Variants in TGFBRAP1 observed in about 807,000 individuals in gnomAD.
TGFBRAP1 encodes the protein transforming growth factor-beta receptor-associated protein 1.
Under a neutral mutation model 83.2 loss-of-function variants are expected in TGFBRAP1, and 20 were observed. That is an observed-to-expected ratio of 0.24 (90% CI 0.17 to 0.35). The LOEUF (loss-of-function observed/expected upper bound fraction) is 0.35. TGFBRAP1 is among the 10% of genes least tolerant of loss of function. The pLI, the probability that TGFBRAP1 is intolerant of heterozygous loss-of-function variation, is 1.00. For synonymous variants in TGFBRAP1, 415 were observed against 459.8 expected (o/e 0.90, Z 1.25); for missense variants, 950 against 1,099.4 (o/e 0.86, Z 1.92).
At chr2:105,316,115 CA>C (rs1244749406) in intron 1 of TGFBRAP1, among the ~76,000 whole-genome samples, 1 of 152,028 alleles carries the variant, frequency 6.6e-6, no homozygotes, top group African/African-American at 2.4e-5. Flanking sequence ...ATCTGAAGTT[CA>C]AAAGTAGGCC....
chr2:105,295,071 C>T (rs1678038308), intron 4 of TGFBRAP1, among the ~76,000 whole-genome samples: 1 of 152,188 alleles, frequency 6.6e-6, no homozygotes, highest in Admixed American at 6.5e-5. Flanking sequence ...TTCTTTTTGC[C>T]TTTGCTGCCC....
rs1486035164 is a variant in TGFBRAP1, at chr2:105,265,317, A to G, written c.*2066T>C. On this transcript the variant is annotated 3_prime_UTR_variant, in exon 12 of 12. Transcript: ENST00000393359. ...AACCCCGTCTCTACTAAAAATACAA[A>G]AATTAGCTGGGCGTGGTGGCATGCA... is the stretch of plus-strand genomic sequence containing the variant. 6.6e-6 allele frequency: 1 copy of G among 152,110 alleles called. No homozygotes were observed. The highest frequency in any genetic ancestry group is 2.4e-5 in the African/African-American group (1 of 41,406). 9.4% of individuals were successfully genotyped at this position (152,110 alleles called of 1,614,324 possible).
downstream of TGFBRAP1, among the ~76,000 whole-genome samples, chr2:105,262,186 G>A (rs76412922): frequency 1.4e-4 from 22 of 152,292 alleles, 1 homozygote; most frequent in East Asian, 4.1e-3. Context: ...GTTTGGATGC[G>A]TGTCGCCCTC....
chr2:105,324,441 A>G (rs562350182), intron 1 of TGFBRAP1, among the ~76,000 whole-genome samples: 1 of 152,270 alleles, frequency 6.6e-6, no homozygotes, highest in South Asian at 2.1e-4. Flanking sequence ...GTCAGTGACT[A>G]AAAAGGACAA....
At chr2:105,319,048 G>T (rs1027527188) in intron 1 of TGFBRAP1, among the ~76,000 whole-genome samples, 9 of 151,970 alleles carry the variant, frequency 5.9e-5, no homozygotes, top group African/African-American at 2.2e-4. Context: ...GAATAAACGT[G>T]GAATGAGAGC....
At chr2:105,259,127 G>A in the TGFBRAP1 span, among the ~76,000 whole-genome samples, 1 of 152,198 alleles carries the variant, frequency 6.6e-6, no homozygotes, top group Non-Finnish European at 1.5e-5. Flanking sequence ...CTTTGCTGTG[G>A]TCTATTCCAC....
At position 105,304,777 on chromosome 2, in the gene TGFBRAP1, C is replaced by T. The variant is rs561658540; in HGVS notation, c.688+2837G>A. Among the ~76,000 whole-genome samples, 14 of 152,220 alleles carry T rather than the reference C, an allele frequency of 9.2e-5. No homozygotes were observed. In the East Asian group the frequency reaches 2.7e-3, roughly 29 times the overall value. ...CAGCCTGGGCGACAGAGCGAGACTC[C>T]GTTCTGGGGGTGGGAAAAGAGAAAA... On this transcript the variant is annotated intron_variant, in intron 2 of 11. Coordinates refer to ENST00000393359, the MANE Select transcript of TGFBRAP1 (RefSeq NM_004257.6).
In TGFBRAP1 at chr2:105,272,858, G is replaced by C. The variant is rs1317361876; in HGVS notation, c.1969C>G (p.Leu657Val). ...KSDLYRVHFL[L>V]ERLQGAGLPM... is the part of the protein sequence containing the mutation. ...ACAATACTGAGATCATCCTCACCGA[G>C]AAGAAAGTGGACTCGGTATAAATCA... The change falls in exon 10 of 12, where the codon CTC (leucine) becomes GTC (valine). Residue 657 changes from leucine to valine, a missense_variant. Physicochemically the swap from Leu to Val is conservative, Grantham distance 32 (BLOSUM62 1). Coordinates refer to ENST00000393359, the MANE Select transcript of TGFBRAP1 (RefSeq NM_004257.6). The C allele has an allele frequency of 1.4e-5, 22 of 1,607,024 alleles. No homozygotes were observed. Among genetic ancestry groups the C allele is most frequent in the Non-Finnish European group, 1.9e-5 (22 of 1,179,756 alleles).
intron 6 of TGFBRAP1, among the ~76,000 whole-genome samples, chr2:105,279,679 T>A (rs114788678): frequency 0.014 from 2,061 of 144,284 alleles, 57 homozygotes; most frequent in African/African-American, 0.048. Context: ...GCACTGTAAA[T>A]TTTACCAATA....
chr2:105,260,015 AT>A (rs1676752319), downstream of TGFBRAP1, among the ~76,000 whole-genome samples: 1 of 152,238 alleles, frequency 6.6e-6, no homozygotes, highest in African/African-American at 2.4e-5. Flanking sequence ...AGAAATTCTA[AT>A]TTTATATAAA....
At chr2:105,311,876 C>T (rs936108954) in intron 1 of TGFBRAP1, among the ~76,000 whole-genome samples, 1 of 151,818 alleles carries the variant, frequency 6.6e-6, no homozygotes, top group South Asian at 2.1e-4. Context: ...CCACTGCACT[C>T]CAGCCTGGGT....
At chr2:105,297,742 T>A (rs1491002681) in intron 3 of TGFBRAP1, among the ~76,000 whole-genome samples, 1 of 152,178 alleles carries the variant, frequency 6.6e-6, no homozygotes, top group East Asian at 1.9e-4. Context: ...AATGGCATTG[T>A]GGTTTTGTAG....
intron 10 of TGFBRAP1, among the ~76,000 whole-genome samples, chr2:105,270,586 C>T (rs552594592): frequency 6.6e-6 from 1 of 152,212 alleles, no homozygotes; most frequent in African/African-American, 2.4e-5. Context: ...AGTTTAGGGT[C>T]AAGACTAATA....
Position 105,278,097 on chromosome 2 carries a change from TG to T in TGFBRAP1, c.1464-427del, listed in dbSNP as rs1482639696. ...GTGTGTGTGTGTGTGTGTGTGTGTG[TG>T]TGTGTGTGTGTGTGTAGTTCAACAA... On this transcript the variant is annotated intron_variant, in intron 6 of 11. Transcript: ENST00000393359. Among the ~76,000 whole-genome samples, 37 of 133,472 alleles carry T rather than the reference TG, an allele frequency of 2.8e-4. 1 individual carries two copies. The East Asian group carries it at 6.0e-3, about 22-fold the overall frequency. The allele number at this position is 133,472 out of a possible 152,430, so 87.6% of individuals were successfully genotyped here. A position where few individuals can be genotyped will look rare whatever the true frequency, so the allele number is the denominator to read the frequency against.
intron 2 of TGFBRAP1, among the ~76,000 whole-genome samples, chr2:105,302,482 A>G (rs2576751): frequency 0.28 from 42,306 of 152,036 alleles, 6,141 homozygotes; most frequent in South Asian, 0.34. Flanking sequence ...GTGCGCAGCT[A>G]TAAAATGAAG....
At chr2:105,295,203 A>G (rs889262964) in intron 4 of TGFBRAP1, among the ~76,000 whole-genome samples, 23 of 152,236 alleles carry the variant, frequency 1.5e-4, no homozygotes, top group African/African-American at 5.5e-4. Flanking sequence ...CATAAATCAC[A>G]CAACCTGTCT....
At chr2:105,319,667 G>T (rs1312834081) in intron 1 of TGFBRAP1, among the ~76,000 whole-genome samples, 1 of 143,900 alleles carries the variant, frequency 6.9e-6, no homozygotes, top group Non-Finnish European at 1.5e-5. Context: ...ACTCCAGCCT[G>T]GGCAACAAGA....
At position 105,280,538 on chromosome 2, in the gene TGFBRAP1, C is replaced by T. The variant is rs1222325149; in HGVS notation, c.1307G>A (p.Arg436His). Residue 436 changes from arginine to histidine, a missense_variant, in exon 6 of 12, where the codon CGC becomes CAC. Physicochemically the swap from Arg to His is conservative, Grantham distance 29 (BLOSUM62 0). Transcript: ENST00000393359. ...GTAGCCATTTGCTACCTCTGTGCTG[C>T]GGACCTCGTTCAGGTAGCTCATGAG... ...RFLMSYLNEVRSTEVANGYKE... is the reference protein window; with the variant it reads ...RFLMSYLNEVHSTEVANGYKE... 9.3e-6 allele frequency: 15 copies of T among 1,614,032 alleles called. No individual in the cohort carries two copies. The highest frequency in any genetic ancestry group is 1.2e-5 in the Non-Finnish European group (14 of 1,180,046).
intron 10 of TGFBRAP1, among the ~76,000 whole-genome samples, chr2:105,270,171 T>A (rs979313579): frequency 6.6e-6 from 1 of 152,200 alleles, no homozygotes; most frequent in Non-Finnish European, 1.5e-5. Context: ...TTTATTCCAA[T>A]GTAAAGTAGA....
Sources: allele counts gnomAD v4.1 joint callset (sites outside exome capture counted in the v4.1 genomes callset), GRCh38; gene constraint gnomAD v4.1.1; transcripts MANE v1.5; gene names NCBI Gene and HGNC (gene_info 2026-07-23, HGNC 2026-07-21).